CADM1: variants seen among roughly 807,000 people sequenced by gnomAD.
CADM1 encodes the protein TSLC-1.
A neutral mutation model predicts 53.1 loss-of-function variants in CADM1; 15 were observed. The observed-to-expected ratio is 0.28, with a 90% confidence interval of 0.19 to 0.44. The LOEUF (loss-of-function observed/expected upper bound fraction) is 0.44. Ranked by LOEUF, CADM1 falls within the 20% of genes least tolerant of loss-of-function variation. The pLI is 1.00. For missense variants in CADM1, 434 were observed against 611.3 expected (o/e 0.71, Z 3.06); for synonymous variants, 281 against 243.0 (o/e 1.16, Z -1.45).
chr11:115,451,496 C>T (rs1428960863), intron 1 of CADM1, among the ~76,000 whole-genome samples: 2 of 152,172 alleles, frequency 1.3e-5, no homozygotes, highest in African/African-American at 4.8e-5. Flanking sequence ...CGAAAAAGGA[C>T]ATAGGTAGCA....
chr11:115,274,148 A>G (rs1013620160), intron 1 of CADM1, among the ~76,000 whole-genome samples: 7 of 152,264 alleles, frequency 4.6e-5, no homozygotes, highest in Admixed American at 6.5e-5. Context: ...TTTGATTTCA[A>G]TTGCTTATTC....
rs1045732559 is a variant in CADM1 at position 115,485,038 on chromosome 11, G to A, written c.124+19233C>T. Among the ~76,000 whole-genome samples, 6 of 151,784 alleles carry A rather than the reference G, an allele frequency of 4.0e-5. No individual in the cohort carries two copies. In the South Asian group the frequency reaches 8.3e-4, roughly 21 times the overall value. On this transcript the variant is annotated intron_variant, in intron 1 of 11. Coordinates refer to ENST00000331581, the MANE Select transcript of CADM1 (RefSeq NM_001301043.2). The stretch of plus-strand genomic sequence containing the variant: ...TTGTGACTGGCTAAATCTCTAAGTC[G>A]AATCCATTTGCTTAAATAACCTCTT...
At chr11:115,442,457 C>G (rs1948338320) in intron 1 of CADM1, among the ~76,000 whole-genome samples, 1 of 152,092 alleles carries the variant, frequency 6.6e-6, no homozygotes, top group Admixed American at 6.6e-5. Context: ...AGCGAATAGA[C>G]AGAAAATCAT....
chr11:115,323,882 C>T (rs1341973697), intron 1 of CADM1, among the ~76,000 whole-genome samples: 1 of 131,386 alleles, frequency 7.6e-6, no homozygotes, highest in Non-Finnish European at 1.6e-5. Context: ...AGGAGAGATA[C>T]GAAAAAGGAA....
intron 1 of CADM1, among the ~76,000 whole-genome samples, chr11:115,490,741 A>G (rs915239110): frequency 5.3e-5 from 8 of 152,120 alleles, no homozygotes; most frequent in African/African-American, 1.7e-4. Context: ...GAATTTTAGG[A>G]AAATGCAGTT....
At chr11:115,203,421 AAG>A (rs1190832923) in intron 8 of CADM1, among the ~76,000 whole-genome samples, 2 of 152,294 alleles carry the variant, frequency 1.3e-5, no homozygotes, top group Non-Finnish European at 2.9e-5. Flanking sequence ...GGAGACAGGA[AAG>A]AGGCTCTCTG....
intron 1 of CADM1, among the ~76,000 whole-genome samples, chr11:115,396,327 T>A (rs1362479762): frequency 6.6e-6 from 1 of 152,070 alleles, no homozygotes; most frequent in Non-Finnish European, 1.5e-5. Flanking sequence ...GTGTATCAAT[T>A]TATGTGCTAC....
intron 11 of CADM1, 108 bp from the exon 12 acceptor site, chr11:115,176,700 G>C (rs898597316): frequency 4.4e-6 from 4 of 912,294 alleles, no homozygotes; most frequent in Non-Finnish European, 5.5e-6. Context: ...GTGGTGTGCA[G>C]GCAGCAGAGG....
chr11:115,390,374 T>G, intron 1 of CADM1, among the ~76,000 whole-genome samples: 1 of 147,780 alleles, frequency 6.8e-6, no homozygotes, highest in African/African-American at 2.5e-5. Flanking sequence ...GGGGAAAGGG[T>G]TGGGGGGCAG....
intron 1 of CADM1, among the ~76,000 whole-genome samples, chr11:115,303,591 A>G (rs1256069320): frequency 6.6e-6 from 1 of 152,106 alleles, no homozygotes; most frequent in Non-Finnish European, 1.5e-5. Context: ...GCAAACTAAC[A>G]GCATTCTGTA....
chr11:115,212,022 C>T (rs1439112557), intron 7 of CADM1, among the ~76,000 whole-genome samples: 1 of 152,184 alleles, frequency 6.6e-6, no homozygotes, highest in African/African-American at 2.4e-5. Context: ...TCCTTCACAT[C>T]TGGCTAAAGT....
intron 1 of CADM1, among the ~76,000 whole-genome samples, chr11:115,335,886 C>T (rs1157837704): frequency 6.6e-6 from 1 of 152,056 alleles, no homozygotes; most frequent in Non-Finnish European, 1.5e-5. Context: ...TTCACATTTC[C>T]ACTTGAAATC....
At chr11:115,354,009 G>GA (rs1483231701) in intron 1 of CADM1, among the ~76,000 whole-genome samples, 2 of 152,226 alleles carry the variant, frequency 1.3e-5, no homozygotes, top group East Asian at 3.9e-4. Flanking sequence ...GCACAGGAAA[G>GA]AAAAAATCTA....
At chr11:115,321,555 A>G (rs1944825342) in intron 1 of CADM1, among the ~76,000 whole-genome samples, 1 of 152,216 alleles carries the variant, frequency 6.6e-6, no homozygotes, top group South Asian at 2.1e-4. Flanking sequence ...GGGTAATAAA[A>G]ATCTTCATAT....
At chr11:115,327,670 C>A (rs1192945275) in intron 1 of CADM1, among the ~76,000 whole-genome samples, 2 of 152,120 alleles carry the variant, frequency 1.3e-5, no homozygotes, top group African/African-American at 2.4e-5. Flanking sequence ...GTGATGTGGA[C>A]TGAACTCTAG....
intron 1 of CADM1, among the ~76,000 whole-genome samples, chr11:115,327,276 C>T (rs969648912): frequency 1.3e-5 from 2 of 152,046 alleles, no homozygotes; most frequent in Non-Finnish European, 2.9e-5. Context: ...TCAGGAATTT[C>T]GACCCAAGCC....
chr11:115,404,203 G>C (rs1318099750), intron 1 of CADM1, among the ~76,000 whole-genome samples: 4 of 149,304 alleles, frequency 2.7e-5, no homozygotes, highest in Non-Finnish European at 4.5e-5. Context: ...ATGCACACTT[G>C]TACTCCCAGA....
chr11:115,478,963 T>C lies in CADM1; in HGVS notation c.124+25308A>G, dbSNP rs566145372. Among the ~76,000 whole-genome samples the C allele has an allele frequency of 4.1e-4, 62 of 152,256 alleles. No homozygotes were observed. The South Asian group carries it at 0.013, about 32-fold the overall frequency. On this transcript the variant is annotated intron_variant, in intron 1 of 11. Transcript: ENST00000331581. Reference sequence around the variant, plus strand: ...TGGATTGCTTCCAATTTTTTGCTATTAAAATCTATGCAGCAGTTACATCTT... The same window carrying C: ...TGGATTGCTTCCAATTTTTTGCTATCAAAATCTATGCAGCAGTTACATCTT...
At chr11:115,255,547 T>G (rs1360743815) in intron 1 of CADM1, among the ~76,000 whole-genome samples, 1 of 152,144 alleles carries the variant, frequency 6.6e-6, no homozygotes, top group African/African-American at 2.4e-5. Flanking sequence ...AATCATTCTT[T>G]TATATCACAG....
Sources: gnomAD v4.1 joint callset for allele counts (sites outside exome capture counted in the v4.1 genomes callset) on GRCh38, gnomAD v4.1.1 for gene constraint, MANE v1.5 for transcripts, NCBI Gene and HGNC (gene_info 2026-07-23, HGNC 2026-07-21) for gene names.